The following GRIA4 variants were observed in gnomAD, a reference collection of about 807,000 sequenced individuals.
The protein encoded by GRIA4 is glutamate receptor 4.
Under a neutral mutation model 104.0 loss-of-function variants are expected in GRIA4, and 34 were observed. That is an observed-to-expected ratio of 0.33 (90% CI 0.25 to 0.44). The LOEUF is 0.44. Ranked by LOEUF, GRIA4 falls within the 20% of genes least tolerant of loss-of-function variation. The pLI is 1.00. For synonymous variants in GRIA4, 386 were observed against 381.9 expected (o/e 1.01, Z -0.13); for missense variants, 750 against 1,096.5 (o/e 0.68, Z 4.46).
intron 4 of GRIA4, among the ~76,000 whole-genome samples, chr11:105,831,744 A>C (rs1310398431): frequency 6.6e-6 from 1 of 152,022 alleles, no homozygotes; most frequent in Non-Finnish European, 1.5e-5. Context: ...CCATTGAGAT[A>C]GGGGAGCAAG....
intron 3 of GRIA4, among the ~76,000 whole-genome samples, chr11:105,738,532 G>A (rs1939100897): frequency 6.6e-6 from 1 of 152,116 alleles, no homozygotes; most frequent in Non-Finnish European, 1.5e-5. Context: ...CAGTTATTCA[G>A]GAAGTGTAAT....
intron 3 of GRIA4, among the ~76,000 whole-genome samples, chr11:105,725,796 G>C (rs964515122): frequency 9.2e-5 from 14 of 152,124 alleles, no homozygotes; most frequent in African/African-American, 3.1e-4. Flanking sequence ...CAAGGGTCGG[G>C]CAACTCCCTC....
At chr11:105,920,005 C>T (rs558466567) in intron 11 of GRIA4, among the ~76,000 whole-genome samples, 11 of 152,048 alleles carry the variant, frequency 7.2e-5, no homozygotes, top group African/African-American at 2.7e-4. Flanking sequence ...AACTTCAATT[C>T]AGAAGGCAAA....
intron 4 of GRIA4, among the ~76,000 whole-genome samples, chr11:105,783,656 G>T (rs2135780927): frequency 6.6e-6 from 1 of 152,010 alleles, no homozygotes; most frequent in South Asian, 2.1e-4. Context: ...TTCACTCACA[G>T]ACAGTATTAA....
chr11:105,814,012 C>CA (rs1288588730), intron 4 of GRIA4, among the ~76,000 whole-genome samples: 4 of 151,762 alleles, frequency 2.6e-5, no homozygotes, highest in African/African-American at 4.8e-5. Flanking sequence ...ATAGCAACAA[C>CA]AAAAAAAGGC....
At chr11:105,921,513 C>G (rs1446841257) in intron 11 of GRIA4, among the ~76,000 whole-genome samples, 1 of 152,134 alleles carries the variant, frequency 6.6e-6, no homozygotes, top group Non-Finnish European at 1.5e-5. Flanking sequence ...CATGTGTAAC[C>G]TATCTCTACT....
intron 3 of GRIA4, among the ~76,000 whole-genome samples, chr11:105,737,179 A>G (rs908800344): frequency 3.9e-5 from 6 of 152,164 alleles, no homozygotes; most frequent in Non-Finnish European, 8.8e-5. Flanking sequence ...TTAACAAGTA[A>G]CTGGAGTAGT....
At chr11:105,731,230 G>A (rs1327030106) in intron 3 of GRIA4, among the ~76,000 whole-genome samples, 26 of 152,012 alleles carry the variant, frequency 1.7e-4, no homozygotes, top group South Asian at 6.2e-4. Flanking sequence ...ATGAACATAC[G>A]CTTTTCAAAA....
intron 3 of GRIA4, among the ~76,000 whole-genome samples, chr11:105,621,380 G>T (rs1394965554): frequency 6.7e-6 from 1 of 150,354 alleles, no homozygotes; most frequent in Non-Finnish European, 1.5e-5. Flanking sequence ...GATCTTTCCA[G>T]ACTTTTTTTT....
chr11:105,955,893 T>A (rs1166103956), intron 14 of GRIA4, among the ~76,000 whole-genome samples: 5 of 152,226 alleles, frequency 3.3e-5, no homozygotes, highest in African/African-American at 4.8e-5. Context: ...GTTTTTTTCA[T>A]ATGTTTATTG....
intron 14 of GRIA4, among the ~76,000 whole-genome samples, chr11:105,946,522 G>A (rs888368693): frequency 6.6e-6 from 1 of 152,080 alleles, no homozygotes; most frequent in Non-Finnish European, 1.5e-5. Context: ...GGAGGTAGAC[G>A]TTTCACTGAG....
intron 6 of GRIA4, among the ~76,000 whole-genome samples, chr11:105,888,153 A>G (rs1591399648): frequency 6.7e-6 from 1 of 150,000 alleles, no homozygotes; most frequent in Non-Finnish European, 1.5e-5. Flanking sequence ...CATGTAGTGT[A>G]GGGGGTAGAT....
intron 14 of GRIA4, among the ~76,000 whole-genome samples, chr11:105,945,020 G>T (rs1223499442): frequency 6.6e-6 from 1 of 151,708 alleles, no homozygotes; most frequent in African/African-American, 2.4e-5. Context: ...ATTTAGTATT[G>T]CTTCAATCAT....
At chr11:105,870,543 G>A (rs974506410) in intron 5 of GRIA4, among the ~76,000 whole-genome samples, 2 of 114,408 alleles carry the variant, frequency 1.7e-5, no homozygotes, top group African/African-American at 6.4e-5. Flanking sequence ...AATGTGGAAA[G>A]GTACAAAAAA....
chr11:105,832,583 A>T (rs1322401087), intron 4 of GRIA4, among the ~76,000 whole-genome samples: 1 of 151,930 alleles, frequency 6.6e-6, no homozygotes, highest in Non-Finnish European at 1.5e-5. Context: ...AGAAGTGATT[A>T]TTCCAGAGTG....
At chr11:105,678,137 C>A (rs1433974797) in intron 3 of GRIA4, among the ~76,000 whole-genome samples, 1 of 151,910 alleles carries the variant, frequency 6.6e-6, no homozygotes, top group Non-Finnish European at 1.5e-5. Flanking sequence ...CAAGTATGCA[C>A]TTTTAAAAAG....
chr11:105,617,633 G>A (rs1014995015), intron 3 of GRIA4, among the ~76,000 whole-genome samples: 3 of 152,082 alleles, frequency 2.0e-5, no homozygotes, highest in Non-Finnish European at 4.4e-5. Flanking sequence ...TCATATGACA[G>A]TGAATGATAC....
intron 4 of GRIA4, among the ~76,000 whole-genome samples, chr11:105,758,398 T>C (rs1329643877): frequency 6.6e-6 from 1 of 152,196 alleles, no homozygotes. Context: ...TTAGAAATTT[T>C]CTTATATGAA....
Position 105,611,098 on chromosome 11 carries a change from C to T in GRIA4, c.88+13C>T. 1 of 1,589,534 alleles carries T rather than the reference C, an allele frequency of 6.3e-7. No homozygotes were observed. Among genetic ancestry groups the T allele is most frequent in the Non-Finnish European group, 8.6e-7 (1 of 1,157,898 alleles). On this transcript the variant is annotated intron_variant, in intron 2 of 16. Transcript: ENST00000282499. ...AGCGTGCAAATAGGTAAGGTGTGCTCCGATGGGGTGTGCATGTGGCTGGTT... is the reference window on the plus strand; with the variant it reads ...AGCGTGCAAATAGGTAAGGTGTGCTTCGATGGGGTGTGCATGTGGCTGGTT...
Sources: allele counts gnomAD v4.1 joint callset (sites outside exome capture counted in the v4.1 genomes callset), GRCh38; gene constraint gnomAD v4.1.1; transcripts MANE v1.5; gene names NCBI Gene and HGNC (gene_info 2026-07-23, HGNC 2026-07-21).